Variants in CUBN observed in about 807,000 individuals in gnomAD.
CUBN encodes 460 kDa receptor.
Under a neutral mutation model 405.3 loss-of-function variants are expected in CUBN, and 282 were observed. The observed-to-expected ratio is 0.70, with a 90% CI of 0.63 to 0.77. The LOEUF is 0.77. Ranked by LOEUF, CUBN falls within the 30% of genes least tolerant of loss-of-function variation. The probability of loss-of-function intolerance (pLI) is 0.00; values close to 1 mark genes in which losing one functional copy is unlikely to be tolerated. For synonymous variants in CUBN, 1,684 were observed against 1,617.0 expected (o/e 1.04, Z -0.99); for missense variants, 4,514 against 4,475.2 (o/e 1.01, Z -0.25).
Position 17,008,891 on chromosome 10 carries a change from C to A in CUBN, c.4168+10942G>T, listed in dbSNP as rs192267359. On this transcript the variant is annotated intron_variant, in intron 28 of 66. Transcript: ENST00000377833. Reference sequence around the variant, plus strand: ...CCCCGTCTCAGCACAGTACCTGGCACAAAAGACATCCTTAGTGTCTGTGGA... The same window carrying A: ...CCCCGTCTCAGCACAGTACCTGGCAAAAAAGACATCCTTAGTGTCTGTGGA... Among the ~76,000 whole-genome samples the A allele has an allele frequency of 2.5e-3, 379 of 152,282 alleles. 2 individuals are homozygous for A. The highest frequency in any genetic ancestry group is 8.2e-3 in the African/African-American group (341 of 41,556).
chr10:16,910,277 T>A (rs1176528487), intron 48 of CUBN, among the ~76,000 whole-genome samples: 1 of 152,114 alleles, frequency 6.6e-6, no homozygotes, highest in Non-Finnish European at 1.5e-5. Flanking sequence ...TTCTTCTTCC[T>A]CTTTCATCTT....
chr10:17,006,247 A>G (rs1362770188), intron 28 of CUBN, among the ~76,000 whole-genome samples: 2 of 152,236 alleles, frequency 1.3e-5, no homozygotes, highest in African/African-American at 2.4e-5. Flanking sequence ...TTCTCAAAAA[A>G]TATCTGCTGG....
At chr10:16,978,842 C>T (rs1369904430) in intron 31 of CUBN, among the ~76,000 whole-genome samples, 4 of 152,172 alleles carry the variant, frequency 2.6e-5, no homozygotes, top group African/African-American at 9.7e-5. Flanking sequence ...GTTCAGGTCA[C>T]AGCAATCAGG....
chr10:16,826,315 G>A (rs1319314654), intron 66 of CUBN, among the ~76,000 whole-genome samples: 1 of 126,516 alleles, frequency 7.9e-6, no homozygotes, highest in Non-Finnish European at 1.6e-5. Flanking sequence ...TACATAAAAA[G>A]TTGAATTGTA....
intron 29 of CUBN, among the ~76,000 whole-genome samples, chr10:16,989,054 CTT>C (rs1316948793): frequency 6.6e-6 from 1 of 152,166 alleles, no homozygotes; most frequent in Admixed American, 6.6e-5. Flanking sequence ...AGTGTTTACT[CTT>C]TGCCAGGTAC....
intron 59 of CUBN, among the ~76,000 whole-genome samples, chr10:16,864,973 T>G (rs1440471638): frequency 3.0e-5 from 4 of 131,728 alleles, no homozygotes; most frequent in Non-Finnish European, 4.7e-5. Flanking sequence ...TTTTTTTTTT[T>G]TTTTGGGACG....
At chr10:17,053,943 A>C (rs1554815162) in intron 22 of CUBN, among the ~76,000 whole-genome samples, 1 of 152,164 alleles carries the variant, frequency 6.6e-6, no homozygotes, top group Non-Finnish European at 1.5e-5. Context: ...TTGAAAGTTA[A>C]ATAATACATT....
intron 36 of CUBN, among the ~76,000 whole-genome samples, chr10:16,946,121 C>G (rs1261362551): frequency 6.6e-6 from 1 of 152,204 alleles, no homozygotes; most frequent in Non-Finnish European, 1.5e-5. Flanking sequence ...GCAATCCCAA[C>G]CACAGCCTAG....
At position 16,995,063 on chromosome 10, in the gene CUBN, C is replaced by G. The variant is rs932132783; in HGVS notation, c.4169-4548G>C. On this transcript the variant is annotated intron_variant, in intron 28 of 66. Coordinates refer to ENST00000377833, the MANE Select transcript of CUBN (RefSeq NM_001081.4). ...CCGAGATCACAGCACTGCTCTCCAG[C>G]CTGGGCGACAGAGCAAGACCCCGTC... 3.3e-5 allele frequency among the ~76,000 whole-genome samples: 5 copies of G among 152,276 alleles called. No homozygotes were observed. The East Asian group carries it at 9.7e-4, about 29-fold the overall frequency.
intron 4 of CUBN, among the ~76,000 whole-genome samples, chr10:17,124,480 G>A (rs935647168): frequency 5.4e-4 from 82 of 151,236 alleles, no homozygotes; most frequent in African/African-American, 1.9e-3. Context: ...CCAGGCTGGA[G>A]TGCAGTGGCG....
Position 16,932,960 on chromosome 10 carries a change from T to C in CUBN, c.6124+127A>G, listed in dbSNP as rs1029681835. On this transcript the variant is annotated intron_variant, in intron 40 of 66. Transcript: ENST00000377833. ...GTAGCCATTTCTGGTACTGATGCCTTCCTTGACCATAATATCTGTGTAATT... is the reference window on the plus strand; with the variant it reads ...GTAGCCATTTCTGGTACTGATGCCTCCCTTGACCATAATATCTGTGTAATT... 7.4e-6 allele frequency: 7 copies of C among 945,074 alleles called. No individual in the cohort carries two copies. In the South Asian group the frequency reaches 8.4e-5, roughly 11 times the overall value. 58.5% of individuals were successfully genotyped at this position (945,074 alleles called of 1,614,324 possible).
chr10:16,840,040 G>T lies in CUBN; in HGVS notation c.10032+290C>A, dbSNP rs1251011246. On this transcript the variant is annotated intron_variant, in intron 62 of 66. Transcript: ENST00000377833. Reference sequence around the variant, plus strand: ...ATCGGAACACATGGACACAGGAAGGGGAACATCACACACCGGGGCCTGTTG... The same window carrying T: ...ATCGGAACACATGGACACAGGAAGGTGAACATCACACACCGGGGCCTGTTG... 2.2e-4 allele frequency among the ~76,000 whole-genome samples: 31 copies of T among 142,196 alleles called. No individual in the cohort carries two copies. The East Asian group carries it at 6.0e-3, about 28-fold the overall frequency. The allele number at this position is 142,196 out of a possible 152,430, so 93.3% of individuals were successfully genotyped here.
At chr10:16,981,382 A>C (rs891955335) in intron 31 of CUBN, among the ~76,000 whole-genome samples, 2 of 151,990 alleles carry the variant, frequency 1.3e-5, no homozygotes, top group African/African-American at 4.8e-5. Context: ...ATCCACATTC[A>C]CCACCCTTCA....
rs938774827 is a variant in CUBN at position 16,939,136 on chromosome 10, C to T, written c.5560G>A (p.Asp1854Asn). The T allele has an allele frequency of 6.2e-7, 1 of 1,613,498 alleles. No individual in the cohort carries two copies. Among genetic ancestry groups the T allele is most frequent in the East Asian group, 2.2e-5 (1 of 44,858 alleles). The change falls in exon 38 of 67, where the codon GAT becomes AAT. Residue 1854 changes from aspartate to asparagine, a missense_variant. Coordinates refer to ENST00000377833, the MANE Select transcript of CUBN (RefSeq NM_001081.4). ...TTCCCATGAGTTCCCACAATATTATCATTGCCAAATACTAGGAGGGAAGAC... is the reference window on the plus strand; with the variant it reads ...TTCCCATGAGTTCCCACAATATTATTATTGCCAAATACTAGGAGGGAAGAC... Reference protein sequence around the residue: ...QATFMKIFGNDNIVGTHGKVA... With the variant: ...QATFMKIFGNNNIVGTHGKVA...
At chr10:16,960,653 A>G (rs1843192367) in intron 31 of CUBN, among the ~76,000 whole-genome samples, 1 of 152,244 alleles carries the variant, frequency 6.6e-6, no homozygotes, top group Non-Finnish European at 1.5e-5. Context: ...TGGTCTCTAA[A>G]AATTGAGAAC....
chr10:16,840,995 G>A lies in CUBN; in HGVS notation c.9716C>T (p.Ser3239Phe), dbSNP rs1383983338. ...NANLAGTFCG[S>F]TVPAPFISSG... ...AGAGATAAAAGGAGCAGGTACTGTG[G>A]AACCACAAAACGTTCCAGCCAAGTT... The change falls in exon 61 of 67, where the codon TCC becomes TTC. Residue 3239 changes from serine (S) to phenylalanine (F), a missense_variant. Physicochemically the swap from Ser to Phe is radical, Grantham distance 155. This residue lies in a region of CUBN where 1,186 missense variants were observed against 1,186.9 expected (regional missense o/e 1.00). Coordinates refer to ENST00000377833, the MANE Select transcript of CUBN (RefSeq NM_001081.4). 31 of 1,614,094 alleles carry A rather than the reference G, an allele frequency of 1.9e-5. No individual in the cohort carries two copies. The highest frequency in any genetic ancestry group is 3.3e-4 in the Middle Eastern group (2 of 6,062).
At chr10:17,126,336 T>C (rs191417303) in intron 4 of CUBN, among the ~76,000 whole-genome samples, 218 of 152,326 alleles carry the variant, frequency 1.4e-3, no homozygotes, top group Non-Finnish European at 1.6e-3. Flanking sequence ...GCAAATGTCA[T>C]TTTAAGAAAA....
chr10:16,950,756 T>C (rs1588512197), intron 33 of CUBN, among the ~76,000 whole-genome samples: 1 of 152,236 alleles, frequency 6.6e-6, no homozygotes, highest in Non-Finnish European at 1.5e-5. Flanking sequence ...GGTAGGTTCA[T>C]TCCAGGCACT....
intron 27 of CUBN, among the ~76,000 whole-genome samples, chr10:17,027,859 T>C (rs1009189787): frequency 6.6e-6 from 1 of 152,218 alleles, no homozygotes; most frequent in Non-Finnish European, 1.5e-5. Flanking sequence ...CATAACTAGA[T>C]TTTTATTATT....
Sources: allele counts gnomAD v4.1 joint callset (sites outside exome capture counted in the v4.1 genomes callset), GRCh38; gene constraint gnomAD v4.1.1; regional missense constraint gnomAD v4.1.1; transcripts MANE v1.5; gene names NCBI Gene and HGNC (gene_info 2026-07-23, HGNC 2026-07-21).